Variants in UTP20 observed in about 807,000 individuals in gnomAD.
UTP20 encodes the protein small subunit processome component 20 homolog.
A neutral mutation model predicts 329.5 loss-of-function variants in UTP20; 164 were observed. That is an observed-to-expected ratio of 0.50 (90% CI 0.44 to 0.57). UTP20 has a LOEUF of 0.57. Ranked by LOEUF, UTP20 falls within the 20% of genes least tolerant of loss-of-function variation. The probability of loss-of-function intolerance (pLI) is 0.00; values close to 1 mark genes in which losing one functional copy is unlikely to be tolerated. For synonymous variants in UTP20, 1,151 were observed against 1,159.3 expected, an observed-to-expected ratio of 0.99 and a Z score of 0.14; for missense variants, 3,055 against 3,284.2, an observed-to-expected ratio of 0.93 and a Z score of 1.71.
intron 58 of UTP20, 134 bp from the exon 59 acceptor site, chr12:101,382,907 G>T (rs1870696659): frequency 5.0e-6 from 5 of 1,004,174 alleles, no homozygotes; most frequent in South Asian, 2.2e-5. Context: ...TTTAATAGTT[G>T]TTAAATAGTT....
At chr12:101,301,704 ATG>A (rs760495023) in intron 14 of UTP20, among the ~76,000 whole-genome samples, 97 of 152,268 alleles carry the variant, frequency 6.4e-4, no homozygotes, top group Non-Finnish European at 1.0e-3. Context: ...CATTAATTGA[ATG>A]TATTATGGGT....
At position 101,311,452 on chromosome 12, in the gene UTP20, G is replaced by T. The variant is rs116456803; in HGVS notation, c.2232-267G>T. 8.4e-3 allele frequency among the ~76,000 whole-genome samples: 1,273 copies of T among 152,216 alleles called. 18 individuals carry two copies. Among genetic ancestry groups the T allele is most frequent in the African/African-American group, 0.029 (1,197 of 41,540 alleles). ...CATGCCCCATGCCCCAGTTTCATCAGTGTGCCTTTAAAAATGATTTTCTCT... is the reference window on the plus strand; with the variant it reads ...CATGCCCCATGCCCCAGTTTCATCATTGTGCCTTTAAAAATGATTTTCTCT... On this transcript the variant is annotated intron_variant, in intron 19 of 61. Coordinates refer to ENST00000261637, the MANE Select transcript of UTP20 (RefSeq NM_014503.3).
Position 101,357,071 on chromosome 12 carries a change from C to G in UTP20, c.5680C>G (p.Arg1894Gly), listed in dbSNP as rs763725976. Residue 1894 changes from arginine to glycine, a missense_variant, in exon 43 of 62, where the codon CGT (arginine) becomes GGT (glycine). Transcript: ENST00000261637. The stretch of plus-strand genomic sequence containing the variant: ...AAAAGAATTACAGACTACTCTTGTC[C>G]GTGGATACCAGGTAAATTGCATCTT... The part of the protein sequence containing the change: ...VLKELQTTLV[R>G]GYQVHVLTFT... The G allele has an allele frequency of 6.2e-7, 1 of 1,607,036 alleles. No individual in the cohort carries two copies.
In UTP20 at chr12:101,342,533, CT is replaced by C; in HGVS notation, c.4193del (p.Phe1398SerfsTer27). ...AAGCTTCCTCAAGCCTATAGCAAAA[CT>C]TTTCTCAGTTATTAAGAACAAATTG... ...PTSFLKPIAKLFSVIKNKLSR... is the reference protein window; with the variant it reads ...PTSFLKPIAKXFSVIKNKLSR... On this transcript the variant is annotated frameshift_variant, in exon 33 of 62. Coordinates refer to ENST00000261637, the MANE Select transcript of UTP20 (RefSeq NM_014503.3). LOFTEE classifies it high-confidence loss of function. 1 of 1,613,798 alleles carries C rather than the reference CT, an allele frequency of 6.2e-7. No individual in the cohort carries two copies. The highest frequency in any genetic ancestry group is 1.1e-5 in the South Asian group (1 of 91,044).
At chr12:101,351,810 A>T (rs188309123) in intron 38 of UTP20, among the ~76,000 whole-genome samples, 13 of 152,124 alleles carry the variant, frequency 8.5e-5, no homozygotes, top group African/African-American at 2.7e-4. Context: ...GTAGTCTTGA[A>T]CCTATCAGGG....
intron 32 of UTP20, among the ~76,000 whole-genome samples, chr12:101,340,937 C>CTTTTTTTTTTTTTTT (rs71091488): frequency 1.2e-4 from 10 of 83,026 alleles, no homozygotes; most frequent in Non-Finnish European, 2.2e-4. Flanking sequence ...ATTGTGTAAT[C>CTTTTTTTTTTTTTTT]TTTTTTTTTT....
rs1379103744 is a variant in UTP20 at position 101,327,204 on chromosome 12, A to G, written c.3165A>G (p.Ile1055Met). 1.4e-5 allele frequency: 22 copies of G among 1,610,898 alleles called. No homozygotes were observed. Among genetic ancestry groups the G allele is most frequent in the East Asian group, 8.9e-5 (4 of 44,776 alleles). The part of the protein sequence containing the change: ...LAGTQPEEIQ[I>M]FLDLLFEPVR... ...GGACCCAACCTGAGGAGATCCAGAT[A>G]TTCTTAGACCTGCTGTTTGAACCTG... Residue 1055 changes from isoleucine to methionine, a missense_variant, in exon 26 of 62, where the codon ATA becomes ATG. Ile to Met is a conservative substitution (Grantham distance 10, BLOSUM62 1). Coordinates refer to ENST00000261637, the MANE Select transcript of UTP20 (RefSeq NM_014503.3).
At chr12:101,322,036 T>C (rs1169131654) in intron 25 of UTP20, among the ~76,000 whole-genome samples, 1 of 152,178 alleles carries the variant, frequency 6.6e-6, no homozygotes, top group African/African-American at 2.4e-5. Context: ...TCACCCAGGC[T>C]GGAGTGCAGT....
intron 21 of UTP20, 93 bp from the exon 22 acceptor site, chr12:101,317,385 G>A: frequency 7.3e-7 from 1 of 1,364,262 alleles, no homozygotes; most frequent in Non-Finnish European, 1.0e-6. Flanking sequence ...GTGTGATTCT[G>A]TGAACTGTGG....
chr12:101,385,466 G>A, intron 60 of UTP20, 117 bp from the exon 61 acceptor site: 1 of 1,245,856 alleles, frequency 8.0e-7, no homozygotes, highest in Admixed American at 2.5e-5. Context: ...GTTTTATTTG[G>A]GGTTTCTTGC....
chr12:101,289,048 C>T lies in UTP20; in HGVS notation c.597+7C>T, dbSNP rs746553118. On this transcript the variant is annotated splice_region_variant and intron_variant, in intron 6 of 61. Coordinates refer to ENST00000261637, the MANE Select transcript of UTP20 (RefSeq NM_014503.3). ...TACTTTTTTGATGAGAAAGGTTAGT[C>T]TGGTATTTTATCTGTTTGTTGCTAA... The T allele has an allele frequency of 6.2e-7, 1 of 1,605,056 alleles. No individual in the cohort carries two copies. Among genetic ancestry groups the T allele is most frequent in the Non-Finnish European group, 8.5e-7 (1 of 1,172,414 alleles).
chr12:101,365,085 T>TGTGTGTGG (rs1870051879), intron 45 of UTP20, among the ~76,000 whole-genome samples: 2 of 114,336 alleles, frequency 1.7e-5, no homozygotes, highest in African/African-American at 2.8e-5. Flanking sequence ...TGTGTGTGTG[T>TGTGTGTGG]GTGTGTGTGT....
intron 61 of UTP20, 79 bp from the exon 62 acceptor site, chr12:101,385,889 A>T: frequency 6.9e-7 from 1 of 1,452,708 alleles, no homozygotes; most frequent in Non-Finnish European, 9.2e-7. Context: ...TGTGTTTTTT[A>T]CATTTATTTC....
intron 5 of UTP20, among the ~76,000 whole-genome samples, chr12:101,287,511 G>GGCTAT (rs1286664467): frequency 7.2e-5 from 11 of 152,166 alleles, no homozygotes; most frequent in Non-Finnish European, 1.5e-4. Flanking sequence ...ATTTTCACTT[G>GGCTAT]TATTACTGAA....
chr12:101,358,110 T>C (rs1236505376), intron 43 of UTP20, among the ~76,000 whole-genome samples: 1 of 152,198 alleles, frequency 6.6e-6, no homozygotes, highest in African/African-American at 2.4e-5. Context: ...AGTTTGTTGA[T>C]GGGTAAGGTT....
intron 27 of UTP20, among the ~76,000 whole-genome samples, chr12:101,329,996 TAA>T (rs556922688): frequency 8.0e-5 from 10 of 125,700 alleles, no homozygotes; most frequent in African/African-American, 5.9e-5. Context: ...CTCTGCCTCT[TAA>T]AAAAAAAAAA....
intron 43 of UTP20, among the ~76,000 whole-genome samples, chr12:101,357,568 TA>T (rs1869764649): frequency 6.6e-6 from 1 of 152,092 alleles, no homozygotes; most frequent in Non-Finnish European, 1.5e-5. Context: ...CTGGTTAACA[TA>T]GTGAGACCTT....
chr12:101,368,408 C>T (rs977695471), intron 48 of UTP20, among the ~76,000 whole-genome samples: 4 of 152,058 alleles, frequency 2.6e-5, no homozygotes, highest in Non-Finnish European at 5.9e-5. Flanking sequence ...GCTGGGATTA[C>T]GGGCATGAGC....
At chr12:101,306,493 A>G (rs1275174656) in intron 16 of UTP20, among the ~76,000 whole-genome samples, 1 of 152,258 alleles carries the variant, frequency 6.6e-6, no homozygotes, top group Non-Finnish European at 1.5e-5. Context: ...CATAGTTCAA[A>G]GAAACTACTG....
Sources: gnomAD v4.1 joint callset for allele counts (sites outside exome capture counted in the v4.1 genomes callset) on GRCh38, gnomAD v4.1.1 for gene constraint, MANE v1.5 for transcripts, NCBI Gene and HGNC (gene_info 2026-07-23, HGNC 2026-07-21) for gene names.